The following SLIT1 variants were observed in gnomAD, a reference collection of about 807,000 sequenced individuals.
SLIT1 encodes slit homolog 1 protein.
A neutral mutation model predicts 186.1 loss-of-function variants in SLIT1; 66 were observed. That is an observed-to-expected ratio of 0.35 (90% confidence interval 0.29 to 0.44). The LOEUF is 0.44. Ranked by LOEUF, SLIT1 falls within the 20% of genes least tolerant of loss-of-function variation. The probability of loss-of-function intolerance (pLI) is 1.00; values close to 1 mark genes in which losing one functional copy is unlikely to be tolerated. For missense variants in SLIT1, 1,638 were observed against 2,037.4 expected (o/e 0.80, Z 3.77); for synonymous variants, 761 against 833.8 (o/e 0.91, Z 1.50).
chr10:97,067,075 G>A (rs1288131446), intron 4 of SLIT1, among the ~76,000 whole-genome samples: 1 of 152,228 alleles, frequency 6.6e-6, no homozygotes, highest in African/African-American at 2.4e-5. Context: ...TTTAGCTCCA[G>A]GCAGGGCCTG....
chr10:97,019,894 C>T (rs1848487592), intron 26 of SLIT1, among the ~76,000 whole-genome samples: 1 of 152,172 alleles, frequency 6.6e-6, no homozygotes, highest in South Asian at 2.1e-4. Context: ...GAAATAAAAA[C>T]ACTTTTCAGC....
intron 14 of SLIT1, 142 bp downstream of exon 14, chr10:97,048,813 A>C (rs945884350): frequency 1.4e-5 from 11 of 772,536 alleles, no homozygotes; most frequent in Non-Finnish European, 2.4e-5. Context: ...GCAGGTATGC[A>C]GGTGGACAGG....
chr10:97,024,530 C>T (rs1376261548), intron 25 of SLIT1, among the ~76,000 whole-genome samples: 1 of 152,174 alleles, frequency 6.6e-6, no homozygotes, highest in African/African-American at 2.4e-5. Context: ...TATTTGCTGA[C>T]AGCATCCATC....
intron 34 of SLIT1, 136 bp from the exon 35 acceptor site, chr10:97,003,128 C>A: frequency 1.2e-6 from 1 of 826,126 alleles, no homozygotes; most frequent in Non-Finnish European, 1.9e-6. Context: ...AACCCTGATC[C>A]AAGGTCCTTT....
chr10:97,066,109 A>C lies in SLIT1; in HGVS notation c.414-23T>G, dbSNP rs1848942747. 1.9e-6 allele frequency: 3 copies of C among 1,569,126 alleles called. No homozygotes were observed. In the East Asian group the frequency reaches 6.8e-5, roughly 35 times the overall value. ...TCCCTGGGAGGATAAAGCCAGAGGGAGAGAAAACACCGGTCAGAAAAGAGG... is the reference window on the plus strand; with the variant it reads ...TCCCTGGGAGGATAAAGCCAGAGGGCGAGAAAACACCGGTCAGAAAAGAGG... On this transcript the variant is annotated intron_variant, in intron 4 of 36. Transcript: ENST00000266058.
intron 4 of SLIT1, among the ~76,000 whole-genome samples, chr10:97,112,284 A>G (rs1044566850): frequency 4.6e-5 from 7 of 150,890 alleles, no homozygotes; most frequent in African/African-American, 7.3e-5. Flanking sequence ...GGCATCCACC[A>G]CTCCCTGACA....
At chr10:97,137,767 G>A (rs537467260) in intron 4 of SLIT1, among the ~76,000 whole-genome samples, 3 of 152,176 alleles carry the variant, frequency 2.0e-5, no homozygotes, top group Admixed American at 2.0e-4. Context: ...TGTATTTTCT[G>A]TAGAGACGGG....
intron 13 of SLIT1, among the ~76,000 whole-genome samples, chr10:97,053,358 A>C (rs1328733242): frequency 6.6e-6 from 1 of 152,106 alleles, no homozygotes; most frequent in Non-Finnish European, 1.5e-5. Context: ...AGGTTTCCCC[A>C]TGGGGCTTCC....
intron 4 of SLIT1, among the ~76,000 whole-genome samples, chr10:97,073,458 G>A (rs1281059440): frequency 1.3e-5 from 2 of 152,218 alleles, no homozygotes; most frequent in Non-Finnish European, 2.9e-5. Flanking sequence ...GCCCAGGGCA[G>A]CCAGGGCCTG....
rs751705025 is a variant in SLIT1 at position 97,001,061 on chromosome 10, G to T, written c.*51C>A. The T allele has an allele frequency of 6.8e-7, 1 of 1,460,590 alleles. No homozygotes were observed. Among genetic ancestry groups the T allele is most frequent in the Non-Finnish European group, 9.5e-7 (1 of 1,049,410 alleles). The allele number at this position is 1,460,590 out of a possible 1,614,324, so 90.5% of individuals were successfully genotyped here. A position where few individuals can be genotyped will look rare whatever the true frequency, so the allele number is the denominator to read the frequency against. On this transcript the variant is annotated 3_prime_UTR_variant, in exon 37 of 37. Coordinates refer to ENST00000266058, the MANE Select transcript of SLIT1 (RefSeq NM_003061.3). ...GCTGCTGGCGACTGTCTCCGCTGCT[G>T]CAGCGGCTGGGGCCCCTTGCCCGCC...
intron 10 of SLIT1, 99 bp downstream of exon 10, chr10:97,059,988 G>T: frequency 9.6e-7 from 1 of 1,036,514 alleles, no homozygotes; most frequent in East Asian, 2.4e-5. Context: ...CCACTCAGCT[G>T]TGGGGGGCTG....
rs1018259395 is a variant in SLIT1, at chr10:97,057,191, A to T, written c.1157+19T>A. On this transcript the variant is annotated intron_variant, in intron 12 of 36. Transcript: ENST00000266058. Reference sequence around the variant, plus strand: ...CCCTTCCCTGGGTCCCACCCAAGACACCCAGGATTCGTTCTTACAGGAGCT... The same window carrying T: ...CCCTTCCCTGGGTCCCACCCAAGACTCCCAGGATTCGTTCTTACAGGAGCT... 6.2e-7 allele frequency: 1 copy of T among 1,609,222 alleles called. No individual in the cohort carries two copies. The highest frequency in any genetic ancestry group is 1.3e-5 in the African/African-American group (1 of 74,794).
intron 1 of SLIT1, among the ~76,000 whole-genome samples, chr10:97,173,544 G>C (rs1390160295): frequency 6.9e-6 from 1 of 145,264 alleles, no homozygotes; most frequent in Non-Finnish European, 1.5e-5. Flanking sequence ...TGTTGCCCAG[G>C]CTAGAGTGCA....
chr10:97,132,129 C>G (rs988952472), intron 4 of SLIT1, among the ~76,000 whole-genome samples: 6 of 152,206 alleles, frequency 3.9e-5, no homozygotes, highest in African/African-American at 1.4e-4. Flanking sequence ...CTGGGGTGTC[C>G]AAACTCCTGC....
chr10:97,083,488 C>T (rs933247998), intron 4 of SLIT1, among the ~76,000 whole-genome samples: 4 of 152,074 alleles, frequency 2.6e-5, no homozygotes, highest in Non-Finnish European at 4.4e-5. Flanking sequence ...AAGCAGAGTG[C>T]GATCGTGAAC....
Position 97,163,447 on chromosome 10 carries a change from G to C in SLIT1, c.274C>G (p.Leu92Val). The C allele has an allele frequency of 6.2e-7, 1 of 1,614,014 alleles. No homozygotes were observed. The highest frequency in any genetic ancestry group is 1.3e-5 in the African/African-American group (1 of 75,056). The change falls in exon 3 of 37, where the codon CTG (leucine) becomes GTG (valine). Residue 92 changes from leucine (L) to valine (V), a missense_variant. Physicochemically the swap from Leu to Val is conservative, Grantham distance 32. Transcript: ENST00000266058. The stretch of plus-strand genomic sequence containing the variant: ...ACTGCTCCAATCTGGTTCTCCATCA[G>C]CTGCCTGGGGAAGCAAAGAGACAAG... The part of the protein sequence containing the change: ...AGLKQLRVLQ[L>V]MENQIGAVER...
chr10:97,018,638 A>C lies in SLIT1; in HGVS notation c.2917T>G (p.Cys973Gly). ...VSLDSCSSGP[C>G]ENGGTCHAQE... ...GCATGGCAGGTGCCCCCATTTTCACAGGGGCCACTGGAACAGCTGTCCAGG... is the reference window on the plus strand; with the variant it reads ...GCATGGCAGGTGCCCCCATTTTCACCGGGGCCACTGGAACAGCTGTCCAGG... The change falls in exon 28 of 37, where the codon TGT becomes GGT. Residue 973 changes from cysteine (C) to glycine (G), a missense_variant. Transcript: ENST00000266058. 1 of 1,596,532 alleles carries C rather than the reference A, an allele frequency of 6.3e-7. No homozygotes were observed. Among genetic ancestry groups the C allele is most frequent in the Non-Finnish European group, 8.5e-7 (1 of 1,171,816 alleles).
chr10:97,059,725 C>T (rs1407607761), intron 10 of SLIT1, among the ~76,000 whole-genome samples, 194 bp from the exon 11 acceptor site: 3 of 152,160 alleles, frequency 2.0e-5, no homozygotes, highest in Non-Finnish European at 4.4e-5. Context: ...GAGGGCTGGG[C>T]AGGAGGGGGC....
intron 34 of SLIT1, among the ~76,000 whole-genome samples, chr10:97,003,405 C>T (rs964859782): frequency 6.6e-6 from 1 of 152,248 alleles, no homozygotes; most frequent in African/African-American, 2.4e-5. Context: ...GCTGTCCCTT[C>T]TCAGCAGCCC....
Sources: allele counts gnomAD v4.1 joint callset (sites outside exome capture counted in the v4.1 genomes callset), GRCh38; gene constraint gnomAD v4.1.1; transcripts MANE v1.5; gene names NCBI Gene and HGNC (gene_info 2026-07-23, HGNC 2026-07-21).